Variants in ATP11A observed in about 807,000 individuals in gnomAD.
ATP11A encodes phospholipid-transporting ATPase IH.
A neutral mutation model predicts 154.4 loss-of-function variants in ATP11A; 81 were observed. The observed-to-expected ratio is 0.52, with a 90% CI of 0.44 to 0.63. The LOEUF (loss-of-function observed/expected upper bound fraction) is 0.63. Among genes scored for constraint, ATP11A ranks in the 30% least tolerant of loss-of-function variants. The pLI, the probability that ATP11A is intolerant of heterozygous loss-of-function variation, is 0.00. For missense variants in ATP11A, 1,316 were observed against 1,474.3 expected (o/e 0.89, Z 1.76); for synonymous variants, 623 against 585.9 (o/e 1.06, Z -0.91).
At chr13:112,794,404 C>T (rs1360046375) in intron 2 of ATP11A, among the ~76,000 whole-genome samples, 2 of 152,198 alleles carry the variant, frequency 1.3e-5, no homozygotes, top group African/African-American at 2.4e-5. Context: ...AGTGCAGTCA[C>T]GACCCTTTAA....
At position 112,705,285 on chromosome 13, in the gene ATP11A, C is replaced by G. The variant is rs144239188; in HGVS notation, c.39+14830C>G. Among the ~76,000 whole-genome samples the G allele has an allele frequency of 7.3e-4, 100 of 136,560 alleles. No homozygotes were observed. The East Asian group carries it at 0.019, about 26-fold the overall frequency. The allele number at this position is 136,560 out of a possible 152,430, so 89.6% of individuals were successfully genotyped here. A position where few individuals can be genotyped will look rare whatever the true frequency, so the allele number is the denominator to read the frequency against. ...CCATTTCTCGGATGTAATGTGGAAA[C>G]AAAATGTGCAGGCCCTCGGCAGCGA... On this transcript the variant is annotated intron_variant, in intron 1 of 29. Transcript: ENST00000375645.
chr13:112,784,611 C>T (rs1594678904), intron 1 of ATP11A, among the ~76,000 whole-genome samples: 1 of 151,922 alleles, frequency 6.6e-6, no homozygotes, highest in Admixed American at 6.6e-5. Context: ...CAAGCTCCAC[C>T]TCCCGGGTTC....
chr13:112,693,701 C>T (rs1352504923), intron 1 of ATP11A, among the ~76,000 whole-genome samples: 1 of 152,122 alleles, frequency 6.6e-6, no homozygotes, highest in African/African-American at 2.4e-5. Flanking sequence ...CCTGTAATCC[C>T]AGCACTTTGG....
chr13:112,820,903 GT>G (rs11317711), intron 8 of ATP11A, among the ~76,000 whole-genome samples: 2,403 of 152,320 alleles, frequency 0.016, 58 homozygotes, highest in African/African-American at 0.056. Flanking sequence ...AAAGTGAATA[GT>G]TCCTGAAATG....
chr13:112,848,639 G>A (rs1240259521), intron 17 of ATP11A, among the ~76,000 whole-genome samples: 7 of 152,196 alleles, frequency 4.6e-5, no homozygotes, highest in South Asian at 4.1e-4. Flanking sequence ...CTGATCCTAC[G>A]GAAAAGCTTT....
At chr13:112,723,365 G>A (rs1313668323) in intron 1 of ATP11A, among the ~76,000 whole-genome samples, 2 of 20,640 alleles carry the variant, frequency 9.7e-5, no homozygotes, top group Non-Finnish European at 2.0e-4. Flanking sequence ...TCCGCCTGCC[G>A]GGTTCAGGCT....
At chr13:112,878,403 G>A (rs575182917) in intron 29 of ATP11A, 100 bp downstream of exon 29, 486 of 1,314,654 alleles carry the variant, frequency 3.7e-4, no homozygotes, top group Middle Eastern at 1.1e-3. Flanking sequence ...CTGACGCAGC[G>A]TCCACCAGGC....
chr13:112,817,927 T>C (rs1217448156), intron 6 of ATP11A, among the ~76,000 whole-genome samples: 1 of 152,230 alleles, frequency 6.6e-6, no homozygotes, highest in Non-Finnish European at 1.5e-5. Flanking sequence ...CCCGTGGGGC[T>C]CACGTGACTG....
At chr13:112,871,176 G>T (rs1255393048) in intron 25 of ATP11A, among the ~76,000 whole-genome samples, 2 of 152,162 alleles carry the variant, frequency 1.3e-5, no homozygotes, top group African/African-American at 4.8e-5. Flanking sequence ...CTCGCAGAAC[G>T]TTCCCGCCGC....
Position 112,690,241 on chromosome 13 carries a change from C to T in ATP11A, c.-176C>T. On this transcript the variant is annotated 5_prime_UTR_variant, in exon 1 of 30. Coordinates refer to ENST00000375645, the MANE Select transcript of ATP11A (RefSeq NM_015205.3). This position sits in a 1 kb window ranked among gnomAD's most constrained non-coding sequence, Gnocchi z 5.6. ...CGCGCGGGGCCGCGGACCCAGCATT[C>T]GCCGGCCGGGCCGGGCATGAGCGCG... is the stretch of plus-strand genomic sequence containing the variant. 4.7e-6 allele frequency: 1 copy of T among 211,646 alleles called. No homozygotes were observed. Among genetic ancestry groups the T allele is most frequent in the Non-Finnish European group, 8.2e-6 (1 of 122,114 alleles). The allele number at this position is 211,646 out of a possible 1,614,324, so 13.1% of individuals were successfully genotyped here. A position where few individuals can be genotyped will look rare whatever the true frequency, so the allele number is the denominator to read the frequency against.
intron 1 of ATP11A, among the ~76,000 whole-genome samples, chr13:112,724,074 T>A (rs1889523592): frequency 6.7e-6 from 1 of 149,698 alleles, no homozygotes; most frequent in Non-Finnish European, 1.5e-5. Context: ...GCCCACTGCC[T>A]GGGTGTGGAC....
intron 1 of ATP11A, among the ~76,000 whole-genome samples, chr13:112,715,939 G>T (rs1888413391): frequency 6.6e-6 from 1 of 151,984 alleles, no homozygotes; most frequent in Admixed American, 6.6e-5. Flanking sequence ...TCCCACTAAG[G>T]GCTCTCTGAG....
chr13:112,758,498 A>G (rs2076894362), intron 1 of ATP11A, among the ~76,000 whole-genome samples: 1 of 150,056 alleles, frequency 6.7e-6, no homozygotes, highest in Admixed American at 6.6e-5. Flanking sequence ...ATCTCGGCTC[A>G]CTGCAAGCTC....
rs535356706 is a variant in ATP11A at position 112,761,926 on chromosome 13, T to C, written c.40-23209T>C. ...GGGTGGGGCCTCCCCAGGGACATTT[T>C]GGCCAAGCTGGCATCAGCTGCCCCA... On this transcript the variant is annotated intron_variant, in intron 1 of 29. Coordinates refer to ENST00000375645, the MANE Select transcript of ATP11A (RefSeq NM_015205.3). Among the ~76,000 whole-genome samples the C allele has an allele frequency of 2.0e-5, 3 of 152,338 alleles. No individual in the cohort carries two copies. The South Asian group carries it at 6.2e-4, about 32-fold the overall frequency.
chr13:112,773,106 G>A (rs2077264242), intron 1 of ATP11A, among the ~76,000 whole-genome samples: 2 of 152,108 alleles, frequency 1.3e-5, no homozygotes, highest in Non-Finnish European at 2.9e-5. Context: ...GGCCTGTGAG[G>A]TGCTCCCTTG....
intron 27 of ATP11A, 61 bp downstream of exon 27, chr13:112,873,737 C>T: frequency 6.6e-7 from 1 of 1,514,278 alleles, no homozygotes; most frequent in Non-Finnish European, 9.1e-7. Context: ...ATTTTTTTAT[C>T]AAGGGTTGAA....
At position 112,831,499 on chromosome 13, in the gene ATP11A, A is replaced by T; in HGVS notation, c.1346A>T (p.Glu449Val). 1 of 1,614,214 alleles carries T rather than the reference A, an allele frequency of 6.2e-7. No homozygotes were observed. Among genetic ancestry groups the T allele is most frequent in the South Asian group, 1.1e-5 (1 of 91,086 alleles). Reference sequence around the variant, plus strand: ...ATCTGCAACGGGCAGGTCCTCCCAGAGTCGTCAGGAATCGACATGATTGAC... The same window carrying T: ...ATCTGCAACGGGCAGGTCCTCCCAGTGTCGTCAGGAATCGACATGATTGAC... Reference protein sequence around the residue: ...HVICNGQVLPESSGIDMIDSS... With the variant: ...HVICNGQVLPVSSGIDMIDSS... The change falls in exon 13 of 30, where the codon GAG (glutamate) becomes GTG (valine). Residue 449 changes from glutamate to valine, a missense_variant. By Grantham distance (121) the Glu-to-Val change is moderately radical. This residue lies in a region of ATP11A where 876 missense variants were observed against 1,006.8 expected (regional missense o/e 0.87). Coordinates refer to ENST00000375645, the MANE Select transcript of ATP11A (RefSeq NM_015205.3).
At chr13:112,788,149 C>T (rs1157093367) in intron 2 of ATP11A, among the ~76,000 whole-genome samples, 1 of 149,910 alleles carries the variant, frequency 6.7e-6, no homozygotes, top group Non-Finnish European at 1.5e-5. Context: ...GATGTGTAGA[C>T]CCCTGTGGAG....
chr13:112,868,156 C>T (rs779892015), intron 25 of ATP11A, among the ~76,000 whole-genome samples: 5 of 152,144 alleles, frequency 3.3e-5, no homozygotes, highest in Admixed American at 6.5e-5. Flanking sequence ...CCTAAGTGAA[C>T]GGTTAAAAGC....
Sources: allele counts gnomAD v4.1 joint callset (sites outside exome capture counted in the v4.1 genomes callset), GRCh38; gene constraint gnomAD v4.1.1; regional missense constraint gnomAD v4.1.1; non-coding constraint Gnocchi (gnomAD v3.1); transcripts MANE v1.5; gene names NCBI Gene and HGNC (gene_info 2026-07-23, HGNC 2026-07-21).